The following HNRNPC variants were observed in gnomAD, a reference collection of about 807,000 sequenced individuals.
HNRNPC encodes the protein heterogeneous nuclear ribonucleoprotein C, also known as heterogeneous nuclear ribonucleoproteins C1/C2.
A neutral mutation model predicts 33.2 loss-of-function variants in HNRNPC; 3 were observed. That is an observed-to-expected ratio of 0.09 (90% CI 0.04 to 0.23). The LOEUF is 0.23. HNRNPC is among the 10% of genes least tolerant of loss of function. The pLI, the probability that HNRNPC is intolerant of heterozygous loss-of-function variation, is 1.00. For missense variants in HNRNPC, 143 were observed against 366.7 expected (o/e 0.39, Z 4.98); for synonymous variants, 121 against 126.7 (o/e 0.96, Z 0.30).
chr14:21,230,947 A>C (rs1894048741), intron 4 of HNRNPC, 50 bp downstream of exon 4: 1 of 1,604,978 alleles, frequency 6.2e-7, no homozygotes. Context: ...ATAAATAATA[A>C]AGTTCCGGAC....
chr14:21,261,264 CACA>C (rs1010109662), intron 2 of HNRNPC, among the ~76,000 whole-genome samples: 11 of 152,142 alleles, frequency 7.2e-5, no homozygotes, highest in South Asian at 2.1e-4. Flanking sequence ...TATCCCCAAA[CACA>C]ACATGTCCCA....
chr14:21,212,181 T>C (rs1195571164), intron 6 of HNRNPC, among the ~76,000 whole-genome samples: 1 of 152,126 alleles, frequency 6.6e-6, no homozygotes, highest in Non-Finnish European at 1.5e-5. Context: ...TATTCACACG[T>C]ATGATCACAG....
intron 2 of HNRNPC, among the ~76,000 whole-genome samples, chr14:21,240,610 C>T (rs977104663): frequency 4.6e-5 from 7 of 152,066 alleles, no homozygotes; most frequent in African/African-American, 1.7e-4. Flanking sequence ...AAGACTTCAG[C>T]TTCCTTTTTT....
chr14:21,258,199 T>G (rs1877555705), intron 2 of HNRNPC, among the ~76,000 whole-genome samples: 1 of 152,116 alleles, frequency 6.6e-6, no homozygotes, highest in African/African-American at 2.4e-5. Context: ...TAGACCAGCC[T>G]GGCCAACATG....
chr14:21,212,429 AG>A (rs1891716425), intron 6 of HNRNPC, among the ~76,000 whole-genome samples: 1 of 152,240 alleles, frequency 6.6e-6, no homozygotes, highest in South Asian at 2.1e-4. Context: ...AAAAAATCTC[AG>A]GAACTTAACG....
Position 21,211,875 on chromosome 14 carries a change from T to G in HNRNPC, c.572A>C (p.Lys191Thr). The change falls in exon 7 of 9, where the codon AAA becomes ACA. Residue 191 changes from lysine (K) to threonine (T), a missense_variant. By Grantham distance (78) the Lys-to-Thr change is moderately conservative. Around this residue, in one of 2 missense-constraint regions of HNRNPC, gnomAD observed 131 missense variants for 253.0 expected, o/e 0.52. Transcript: ENST00000553300. ...QAIKKELTQI[K>T]QKVDSLLENL... Reference sequence around the variant, plus strand: ...TTCCAGGAGAGAATCCACTTTTTGTTTTATCTGGGTCAGCTCCTTCTTAAT... The same window carrying G: ...TTCCAGGAGAGAATCCACTTTTTGTGTTATCTGGGTCAGCTCCTTCTTAAT... 1 of 1,613,596 alleles carries G rather than the reference T, an allele frequency of 6.2e-7. No homozygotes were observed. The highest frequency in any genetic ancestry group is 8.5e-7 in the Non-Finnish European group (1 of 1,179,962).
chr14:21,268,346 G>A (rs1407519610), intron 1 of HNRNPC, among the ~76,000 whole-genome samples: 1 of 152,104 alleles, frequency 6.6e-6, no homozygotes, highest in Non-Finnish European at 1.5e-5. Flanking sequence ...CACTTAGGAA[G>A]TTACGTTAAA....
chr14:21,240,647 T>C (rs1300102606), intron 2 of HNRNPC, among the ~76,000 whole-genome samples: 2 of 152,194 alleles, frequency 1.3e-5, no homozygotes, highest in African/African-American at 2.4e-5. Context: ...CCAGCTTTGA[T>C]AGAGTTCAGG....
chr14:21,213,209 G>GTC, intron 5 of HNRNPC, 92 bp from the exon 6 acceptor site: 4 of 1,258,008 alleles, frequency 3.2e-6, no homozygotes, highest in Non-Finnish European at 4.4e-6. Flanking sequence ...AGTGAATATT[G>GTC]TCTCTAGTCG....
At chr14:21,248,014 T>C (rs1459629239) in intron 2 of HNRNPC, among the ~76,000 whole-genome samples, 1 of 151,410 alleles carries the variant, frequency 6.6e-6, no homozygotes, top group Non-Finnish European at 1.5e-5. Flanking sequence ...AAAACCCGTA[T>C]CATCACAAAT....
At chr14:21,236,969 GAAT>G (rs1894763206) in intron 2 of HNRNPC, among the ~76,000 whole-genome samples, 1 of 152,162 alleles carries the variant, frequency 6.6e-6, no homozygotes, top group Admixed American at 6.5e-5. Context: ...GCAACTTGGA[GAAT>G]AATAGACTTA....
intron 5 of HNRNPC, among the ~76,000 whole-genome samples, chr14:21,214,947 A>G (rs141844199): frequency 2.0e-5 from 3 of 152,310 alleles, no homozygotes; most frequent in Admixed American, 2.0e-4. Flanking sequence ...TCTACCTCCT[A>G]AGCCACAAAC....
At chr14:21,267,601 C>G (rs1879235509) in intron 1 of HNRNPC, among the ~76,000 whole-genome samples, 1 of 152,068 alleles carries the variant, frequency 6.6e-6, no homozygotes, top group Admixed American at 6.6e-5. Context: ...CAACTTTTCC[C>G]CCTAGCCAAT....
chr14:21,251,281 A>AAAAAAAAAG (rs1396702674), intron 2 of HNRNPC, among the ~76,000 whole-genome samples: 3 of 149,056 alleles, frequency 2.0e-5, no homozygotes, highest in Admixed American at 6.7e-5. Context: ...AAAAAAAAAA[A>AAAAAAAAAG]AAAGACTTCA....
At chr14:21,238,406 T>C (rs947394862) in intron 2 of HNRNPC, among the ~76,000 whole-genome samples, 1 of 152,152 alleles carries the variant, frequency 6.6e-6, no homozygotes, top group Non-Finnish European at 1.5e-5. Context: ...CACATCAAAA[T>C]ATCTTAAAAT....
chr14:21,247,327 C>T (rs1896095225), intron 2 of HNRNPC, among the ~76,000 whole-genome samples: 2 of 152,128 alleles, frequency 1.3e-5, no homozygotes, highest in South Asian at 4.1e-4. Flanking sequence ...GTATAAACAA[C>T]CCCTCTCAAT....
At chr14:21,232,917 G>C (rs1196574851) in intron 3 of HNRNPC, among the ~76,000 whole-genome samples, 1 of 151,958 alleles carries the variant, frequency 6.6e-6, no homozygotes, top group African/African-American at 2.4e-5. Context: ...CATGCCTGTA[G>C]TACCAGCTAC....
Position 21,216,032 on chromosome 14 carries a change from C to T in HNRNPC, c.366-2915G>A, listed in dbSNP as rs185477895. Reference sequence around the variant, plus strand: ...GCAGGAGGCTGAGGCACGAGAGTTGCTTGAACCCAGGAAGGAAGTGGGGGT... The same window carrying T: ...GCAGGAGGCTGAGGCACGAGAGTTGTTTGAACCCAGGAAGGAAGTGGGGGT... On this transcript the variant is annotated intron_variant, in intron 5 of 8. Coordinates refer to ENST00000553300, the MANE Select transcript of HNRNPC (RefSeq NM_004500.4). Among the ~76,000 whole-genome samples the T allele has an allele frequency of 4.4e-3, 656 of 149,176 alleles. 6 individuals carry two copies. The highest frequency in any genetic ancestry group is 5.9e-3 in the Non-Finnish European group (396 of 67,566).
intron 2 of HNRNPC, among the ~76,000 whole-genome samples, chr14:21,252,906 T>C (rs968021485): frequency 1.3e-5 from 2 of 152,176 alleles, no homozygotes; most frequent in Admixed American, 6.5e-5. Flanking sequence ...GCGGGTGCAG[T>C]TGCTCACACC....
Sources: gnomAD v4.1 joint callset for allele counts (sites outside exome capture counted in the v4.1 genomes callset) on GRCh38, gnomAD v4.1.1 for gene constraint, gnomAD v4.1.1 regional missense constraint, MANE v1.5 for transcripts, NCBI Gene and HGNC (gene_info 2026-07-23, HGNC 2026-07-21) for gene names.